Variants in GPC5 observed in about 807,000 individuals in gnomAD.
GPC5 encodes the protein glypican-5.
A neutral mutation model predicts 53.9 loss-of-function variants in GPC5; 47 were observed. The observed-to-expected ratio is 0.87, with a 90% confidence interval of 0.69 to 1.11. The LOEUF is 1.11. Among genes scored for constraint, GPC5 ranks in the 50% most tolerant of loss-of-function variants. The pLI, the probability that GPC5 is intolerant of heterozygous loss-of-function variation, is 0.00. For missense variants in GPC5, 748 were observed against 713.1 expected, an observed-to-expected ratio of 1.05 and a Z score of -0.56; for synonymous variants, 286 against 263.3, an observed-to-expected ratio of 1.09 and a Z score of -0.84.
chr13:91,908,102 A>G, intron 6 of GPC5, 45 bp downstream of exon 6: 3 of 1,349,632 alleles, frequency 2.2e-6, no homozygotes, highest in African/African-American at 1.5e-5. Flanking sequence ...GTCATAAATA[A>G]TAAGTGGTTA....
intron 2 of GPC5, among the ~76,000 whole-genome samples, chr13:91,525,232 G>A (rs1886030473): frequency 2.0e-5 from 3 of 152,084 alleles, no homozygotes; most frequent in African/African-American, 4.8e-5. Flanking sequence ...TAGTCTGTTA[G>A]TGAAAATTTT....
intron 5 of GPC5, among the ~76,000 whole-genome samples, chr13:91,803,079 A>G (rs937763252): frequency 6.6e-6 from 1 of 152,298 alleles, no homozygotes; most frequent in African/African-American, 2.4e-5. Flanking sequence ...CCCAGAACTC[A>G]AACAATTTGA....
intron 7 of GPC5, among the ~76,000 whole-genome samples, chr13:92,158,888 A>T (rs961148113): frequency 3.3e-5 from 5 of 152,230 alleles, no homozygotes; most frequent in Non-Finnish European, 7.3e-5. Flanking sequence ...AATAGCTTTT[A>T]GTTATTTGCC....
chr13:91,688,385 G>A (rs1183796049), intron 2 of GPC5, among the ~76,000 whole-genome samples: 1 of 152,022 alleles, frequency 6.6e-6, no homozygotes, highest in East Asian at 1.9e-4. Context: ...TTATTGGTTG[G>A]ATTTAAGAAA....
At chr13:91,475,075 G>A (rs543214628) in intron 2 of GPC5, among the ~76,000 whole-genome samples, 2 of 152,232 alleles carry the variant, frequency 1.3e-5, no homozygotes, top group East Asian at 3.9e-4. Flanking sequence ...TCACTTTATT[G>A]TTTCCCTCCA....
intron 7 of GPC5, among the ~76,000 whole-genome samples, chr13:92,520,799 A>G (rs981230288): frequency 2.6e-5 from 4 of 152,066 alleles, no homozygotes; most frequent in Non-Finnish European, 4.4e-5. Flanking sequence ...AGCAGGACAA[A>G]GAAATAAAGG....
Position 92,291,268 on chromosome 13 carries a change from G to A in GPC5, c.1561+146279G>A, listed in dbSNP as rs534791428. Among the ~76,000 whole-genome samples the A allele has an allele frequency of 1.7e-4, 26 of 152,258 alleles. 1 individual carries two copies. The South Asian group carries it at 2.3e-3, about 13-fold the overall frequency. ...GGACTGACAGGCAGCTCCACCTGCC[G>A]CCCTGTGCAGGATCCACTGGGTGAA... On this transcript the variant is annotated intron_variant, in intron 7 of 7. Transcript: ENST00000377067.
intron 7 of GPC5, among the ~76,000 whole-genome samples, chr13:92,531,396 G>T (rs1255781917): frequency 2.0e-5 from 3 of 151,552 alleles, no homozygotes; most frequent in South Asian, 2.1e-4. Context: ...AAAATATATA[G>T]AGAGAAATAT....
chr13:92,767,389 C>G (rs947872787), intron 7 of GPC5, among the ~76,000 whole-genome samples: 1 of 152,012 alleles, frequency 6.6e-6, no homozygotes, highest in African/African-American at 2.4e-5. Flanking sequence ...GAGAATCACT[C>G]GAACCTGGGA....
At chr13:92,797,816 G>A (rs1046309483) in intron 7 of GPC5, among the ~76,000 whole-genome samples, 1 of 136,240 alleles carries the variant, frequency 7.3e-6, no homozygotes, top group Non-Finnish European at 1.6e-5. Flanking sequence ...GATATTCAAG[G>A]GATGATAGAT....
At chr13:91,844,075 A>G (rs912084657) in intron 5 of GPC5, among the ~76,000 whole-genome samples, 5 of 152,176 alleles carry the variant, frequency 3.3e-5, no homozygotes, top group African/African-American at 1.2e-4. Context: ...ATGAGATTTT[A>G]CCAGGACAGG....
chr13:91,546,076 T>C (rs1192210826), intron 2 of GPC5, among the ~76,000 whole-genome samples: 1 of 152,112 alleles, frequency 6.6e-6, no homozygotes, highest in African/African-American at 2.4e-5. Context: ...GACAATGAAA[T>C]AATAAGTTTT....
chr13:91,552,798 A>T (rs1167661361), intron 2 of GPC5, among the ~76,000 whole-genome samples: 2 of 152,072 alleles, frequency 1.3e-5, no homozygotes, highest in Non-Finnish European at 2.9e-5. Flanking sequence ...AACATGTTAC[A>T]GTGCTGCAGA....
chr13:91,927,252 G>A (rs2039777789), intron 6 of GPC5, among the ~76,000 whole-genome samples: 1 of 152,042 alleles, frequency 6.6e-6, no homozygotes, highest in African/African-American at 2.4e-5. Context: ...GGGTTATTAA[G>A]ACGTAATTAT....
At chr13:92,706,266 C>A (rs747751444) in intron 7 of GPC5, among the ~76,000 whole-genome samples, 1 of 151,622 alleles carries the variant, frequency 6.6e-6, no homozygotes. Context: ...ATGCATAATC[C>A]AGAAATTAAA....
chr13:92,032,142 T>C (rs1192503572), intron 6 of GPC5, among the ~76,000 whole-genome samples: 1 of 147,774 alleles, frequency 6.8e-6, no homozygotes, highest in Admixed American at 6.9e-5. Flanking sequence ...GCAACCTGGA[T>C]GGAACTGGGG....
rs143447854 is a variant in GPC5 at position 92,370,558 on chromosome 13, C to T, written c.1561+225569C>T. Among the ~76,000 whole-genome samples, 55 of 151,988 alleles carry T rather than the reference C, an allele frequency of 3.6e-4. No homozygotes were observed. In the Middle Eastern group the frequency reaches 0.014, roughly 38 times the overall value. On this transcript the variant is annotated intron_variant, in intron 7 of 7. Coordinates refer to ENST00000377067, the MANE Select transcript of GPC5 (RefSeq NM_004466.6). ...AAAAAAAACAGCTTGTCAATCATCT[C>T]TATCTAATATTCTGTTAAATGGAAA...
chr13:92,819,864 C>T (rs1458027337), intron 7 of GPC5, among the ~76,000 whole-genome samples: 2 of 152,126 alleles, frequency 1.3e-5, no homozygotes, highest in African/African-American at 4.8e-5. Context: ...CTCTGAGCAA[C>T]TTTCAACATG....
chr13:92,532,899 G>A lies in GPC5; in HGVS notation c.1562-333383G>A, dbSNP rs528038702. Among the ~76,000 whole-genome samples, 10 of 152,226 alleles carry A rather than the reference G, an allele frequency of 6.6e-5. No homozygotes were observed. The South Asian group carries it at 2.1e-3, about 32-fold the overall frequency. ...GTTATAAACAGTCAAAACAATGTGG[G>A]TTTAGGTAGATCCTAAGTGGCAGTT... On this transcript the variant is annotated intron_variant, in intron 7 of 7. Coordinates refer to ENST00000377067, the MANE Select transcript of GPC5 (RefSeq NM_004466.6).
Sources: gnomAD v4.1 joint callset for allele counts (sites outside exome capture counted in the v4.1 genomes callset) on GRCh38, gnomAD v4.1.1 for gene constraint, MANE v1.5 for transcripts, NCBI Gene and HGNC (gene_info 2026-07-23, HGNC 2026-07-21) for gene names.